The following CSMD1 variants were observed in gnomAD, a reference collection of about 807,000 sequenced individuals.
CSMD1 encodes the protein CUB and Sushi multiple domains 1, also known as CUB and sushi domain-containing protein 1.
Under a neutral mutation model 417.5 loss-of-function variants are expected in CSMD1, and 213 were observed. The observed-to-expected ratio is 0.51, with a 90% CI of 0.46 to 0.57. The LOEUF is 0.57. Among genes scored for constraint, CSMD1 ranks in the 20% least tolerant of loss-of-function variants. The pLI is 0.00. For synonymous variants in CSMD1, 2,862 were observed against 1,736.8 expected, an observed-to-expected ratio of 1.65 and a Z score of -16.11; for missense variants, 6,923 against 4,529.7, an observed-to-expected ratio of 1.53 and a Z score of -15.17.
intron 5 of CSMD1, among the ~76,000 whole-genome samples, chr8:3,983,238 C>G (rs1396006394): frequency 6.6e-6 from 1 of 151,384 alleles, no homozygotes; most frequent in Non-Finnish European, 1.5e-5. Flanking sequence ...TCACGCCATT[C>G]TCCTGCCTCA....
At chr8:4,650,545 C>T (rs10102117) in intron 1 of CSMD1, among the ~76,000 whole-genome samples, 99,654 of 151,792 alleles carry the variant, frequency 0.66, 33,048 homozygotes, top group African/African-American at 0.73. Context: ...CGACGTGATG[C>T]TTCTGCAGAA....
intron 3 of CSMD1, among the ~76,000 whole-genome samples, chr8:4,397,426 C>A (rs1282523701): frequency 6.7e-6 from 1 of 149,186 alleles, no homozygotes; most frequent in South Asian, 2.1e-4. Flanking sequence ...TCATTAGGAA[C>A]ATGGAAATGA....
At chr8:4,167,711 T>C (rs746962511) in intron 3 of CSMD1, among the ~76,000 whole-genome samples, 4 of 152,196 alleles carry the variant, frequency 2.6e-5, no homozygotes, top group Admixed American at 6.5e-5. Context: ...ATAGTCAGGC[T>C]GGGTGCAGTG....
chr8:4,564,802 A>C (rs148146271), intron 2 of CSMD1, among the ~76,000 whole-genome samples: 38 of 152,336 alleles, frequency 2.5e-4, no homozygotes, highest in African/African-American at 8.9e-4. Flanking sequence ...CTAGAATTTA[A>C]AATATTTAGC....
At chr8:3,307,396 G>A (rs1254568396) in intron 25 of CSMD1, among the ~76,000 whole-genome samples, 1 of 132,126 alleles carries the variant, frequency 7.6e-6, no homozygotes, top group Non-Finnish European at 1.6e-5. Context: ...AACAGCCCAG[G>A]CAACCCACGA....
intron 26 of CSMD1, among the ~76,000 whole-genome samples, chr8:3,245,101 C>A (rs1799791688): frequency 6.6e-6 from 1 of 152,200 alleles, no homozygotes; most frequent in African/African-American, 2.4e-5. Context: ...TAAAGCAGAT[C>A]ATGAATTTCG....
At chr8:3,446,859 G>C (rs999622385) in intron 12 of CSMD1, among the ~76,000 whole-genome samples, 1 of 152,188 alleles carries the variant, frequency 6.6e-6, no homozygotes, top group African/African-American at 2.4e-5. Context: ...GGTTTCATTA[G>C]CATTTCTTTT....
chr8:4,722,709 T>G (rs1254151683), intron 1 of CSMD1, among the ~76,000 whole-genome samples: 1 of 152,160 alleles, frequency 6.6e-6, no homozygotes, highest in African/African-American at 2.4e-5. Flanking sequence ...GAATATGATG[T>G]CAGCTGATTT....
chr8:4,727,865 T>G (rs1158728628), intron 1 of CSMD1, among the ~76,000 whole-genome samples: 1 of 148,886 alleles, frequency 6.7e-6, no homozygotes, highest in African/African-American at 2.5e-5. Context: ...GATATATATT[T>G]AGCTTATATC....
chr8:3,624,690 CTTTG>C (rs1280481235), intron 7 of CSMD1, among the ~76,000 whole-genome samples: 4 of 152,118 alleles, frequency 2.6e-5, no homozygotes, highest in African/African-American at 9.7e-5. Flanking sequence ...TATTGATGAG[CTTTG>C]TTTGAGTGAC....
intron 11 of CSMD1, among the ~76,000 whole-genome samples, chr8:3,479,064 C>G (rs576922025): frequency 3.7e-4 from 56 of 152,198 alleles, no homozygotes; most frequent in African/African-American, 1.3e-3. Flanking sequence ...CCCCCTCAGC[C>G]AGCACCAGCA....
Position 3,861,296 on chromosome 8 carries a change from G to C in CSMD1, c.819-107254C>G, listed in dbSNP as rs550054986. ...TGAGAAGATCATTAAACCTTCCTTT[G>C]TCCTACATGAATATTTTATCTTGGC... On this transcript the variant is annotated intron_variant, in intron 5 of 69. Coordinates refer to ENST00000635120, the MANE Select transcript of CSMD1 (RefSeq NM_033225.6). Among the ~76,000 whole-genome samples, 18 of 152,256 alleles carry C rather than the reference G, an allele frequency of 1.2e-4. No homozygotes were observed. In the South Asian group the frequency reaches 3.3e-3, roughly 28 times the overall value.
At chr8:4,331,584 T>C (rs1351843790) in intron 3 of CSMD1, among the ~76,000 whole-genome samples, 1 of 152,154 alleles carries the variant, frequency 6.6e-6, no homozygotes, top group Non-Finnish European at 1.5e-5. Flanking sequence ...CTGCAGACAA[T>C]GGGGCAACAT....
At chr8:4,282,555 C>G (rs947022039) in intron 3 of CSMD1, among the ~76,000 whole-genome samples, 1 of 152,160 alleles carries the variant, frequency 6.6e-6, no homozygotes, top group African/African-American at 2.4e-5. Context: ...TTTTTCTATG[C>G]AGCACCATAA....
intron 5 of CSMD1, among the ~76,000 whole-genome samples, chr8:3,924,255 G>A (rs1046184954): frequency 6.6e-6 from 1 of 151,994 alleles, no homozygotes; most frequent in Non-Finnish European, 1.5e-5. Flanking sequence ...GTTCTTGTAG[G>A]GATACCTTAT....
chr8:3,251,394 G>A (rs1386786523), intron 26 of CSMD1, among the ~76,000 whole-genome samples: 2 of 152,216 alleles, frequency 1.3e-5, no homozygotes, highest in African/African-American at 4.8e-5. Context: ...CATTATTTCT[G>A]AGGGCTCTGT....
At chr8:4,191,904 A>G (rs934158176) in intron 3 of CSMD1, among the ~76,000 whole-genome samples, 7 of 152,212 alleles carry the variant, frequency 4.6e-5, no homozygotes, top group Non-Finnish European at 1.0e-4. Flanking sequence ...AAGATGAGGA[A>G]AGAAAGTGAG....
chr8:4,299,615 A>G (rs7845852), intron 3 of CSMD1, among the ~76,000 whole-genome samples: 1 of 151,896 alleles, frequency 6.6e-6, no homozygotes, highest in Non-Finnish European at 1.5e-5. Flanking sequence ...TTTTTGTATC[A>G]TATCATATAT....
At chr8:4,522,210 G>A (rs1048771946) in intron 2 of CSMD1, among the ~76,000 whole-genome samples, 1 of 152,060 alleles carries the variant, frequency 6.6e-6, no homozygotes, top group Non-Finnish European at 1.5e-5. Flanking sequence ...TATAAAAATG[G>A]GAGGTTCTCT....
Sources: allele counts gnomAD v4.1 joint callset (sites outside exome capture counted in the v4.1 genomes callset), GRCh38; gene constraint gnomAD v4.1.1; transcripts MANE v1.5; gene names NCBI Gene and HGNC (gene_info 2026-07-23, HGNC 2026-07-21).